The following CNTN4 variants were observed in gnomAD, a reference collection of about 807,000 sequenced individuals.
CNTN4 encodes contactin 4.
A neutral mutation model predicts 122.5 loss-of-function variants in CNTN4; 77 were observed. The ratio of observed to expected loss-of-function variants is 0.63; its 90% CI spans 0.52 to 0.76. The LOEUF is 0.76. Ranked by LOEUF, CNTN4 falls within the 30% of genes least tolerant of loss-of-function variation. The probability of loss-of-function intolerance (pLI) is 0.00; values close to 1 mark genes in which losing one functional copy is unlikely to be tolerated. For missense variants in CNTN4, 1,256 were observed against 1,259.1 expected (o/e 1.00, Z 0.04); for synonymous variants, 512 against 447.0 (o/e 1.15, Z -1.83).
intron 3 of CNTN4, among the ~76,000 whole-genome samples, chr3:2,399,385 A>G (rs1165454024): frequency 6.6e-6 from 1 of 152,006 alleles, no homozygotes; most frequent in African/African-American, 2.4e-5. Flanking sequence ...TATGATGTGG[A>G]TGAAGGTGTT....
intron 2 of CNTN4, among the ~76,000 whole-genome samples, chr3:2,230,559 T>C (rs2039445935): frequency 1.3e-5 from 2 of 152,154 alleles, no homozygotes; most frequent in Admixed American, 6.5e-5. Context: ...ACCAATAATA[T>C]GGGTTCTTTC....
Position 2,391,980 on chromosome 3 carries a change from C to A in CNTN4, c.-89+52747C>A, listed in dbSNP as rs117998748. On this transcript the variant is annotated intron_variant, in intron 3 of 24. Transcript: ENST00000418658. ...ACTGAGGGTGAGTTTTTATTCAACT[C>A]ATTTCATTCAATATGTTAGAATTAT... Among the ~76,000 whole-genome samples, 725 of 152,256 alleles carry A rather than the reference C, an allele frequency of 4.8e-3. 10 individuals carry two copies. Among genetic ancestry groups the A allele is most frequent in the East Asian group, 0.042 (216 of 5,170 alleles).
At chr3:2,397,867 C>T (rs545302129) in intron 3 of CNTN4, among the ~76,000 whole-genome samples, 1 of 152,180 alleles carries the variant, frequency 6.6e-6, no homozygotes, top group East Asian at 1.9e-4. Flanking sequence ...CTACAGCAAC[C>T]CCAGTGCTCT....
rs370591312 is a variant in CNTN4 at position 2,994,938 on chromosome 3, A to G, written c.1486+6466A>G. Among the ~76,000 whole-genome samples the G allele has an allele frequency of 4.6e-5, 7 of 152,324 alleles. No homozygotes were observed. In the South Asian group the frequency reaches 1.2e-3, roughly 27 times the overall value. ...TTTAACATTGGTCCCTTATAACTGA[A>G]TACATTTCAACCCAATTAGATATCT... On this transcript the variant is annotated intron_variant, in intron 14 of 24. Coordinates refer to ENST00000418658, the MANE Select transcript of CNTN4 (RefSeq NM_175607.3).
chr3:2,174,965 C>T (rs1034568994), intron 2 of CNTN4, among the ~76,000 whole-genome samples: 8 of 152,126 alleles, frequency 5.3e-5, no homozygotes, highest in Non-Finnish European at 8.8e-5. Context: ...CAGTCACTTC[C>T]CACCAGGCCC....
rs1463641086 is a variant in CNTN4 at position 3,034,612 on chromosome 3, G to T, written c.1784-20G>T. 1 of 1,613,730 alleles carries T rather than the reference G, an allele frequency of 6.2e-7. No individual in the cohort carries two copies. The highest frequency in any genetic ancestry group is 2.2e-5 in the East Asian group (1 of 44,852). ...GTTTGAATACACTGCTCCAATTCTG[G>T]GGGTCTTGCTCTTTCCCAGGTCCTC... On this transcript the variant is annotated intron_variant, in intron 16 of 24. Coordinates refer to ENST00000418658, the MANE Select transcript of CNTN4 (RefSeq NM_175607.3).
chr3:2,924,702 T>A (rs931972274), intron 12 of CNTN4, among the ~76,000 whole-genome samples: 17 of 152,326 alleles, frequency 1.1e-4, no homozygotes, highest in African/African-American at 3.8e-4. Flanking sequence ...GAGCATATAA[T>A]AGAGCTATCT....
chr3:2,730,256 T>C (rs2088584164), intron 4 of CNTN4, among the ~76,000 whole-genome samples: 1 of 152,188 alleles, frequency 6.6e-6, no homozygotes, highest in Non-Finnish European at 1.5e-5. Context: ...CTGAAGGTGA[T>C]TTATACAATG....
intron 6 of CNTN4, among the ~76,000 whole-genome samples, chr3:2,755,791 G>A (rs566410033): frequency 7.9e-5 from 12 of 152,126 alleles, no homozygotes; most frequent in East Asian, 3.9e-4. Flanking sequence ...GAAAATTGGC[G>A]AATGAAACCT....
intron 2 of CNTN4, among the ~76,000 whole-genome samples, chr3:2,225,737 C>T (rs1370951231): frequency 6.6e-6 from 1 of 152,144 alleles, no homozygotes; most frequent in Non-Finnish European, 1.5e-5. Flanking sequence ...ACACCATTCC[C>T]CATTTGGGGT....
At chr3:2,970,285 CAGGGCCT>C (rs1692772798) in intron 13 of CNTN4, among the ~76,000 whole-genome samples, 1 of 151,928 alleles carries the variant, frequency 6.6e-6, no homozygotes, top group Non-Finnish European at 1.5e-5. Flanking sequence ...TTTGTAGAAA[CAGGGCCT>C]AGCTATGTTG....
At chr3:2,163,759 A>G (rs761888684) in intron 2 of CNTN4, among the ~76,000 whole-genome samples, 8 of 152,214 alleles carry the variant, frequency 5.3e-5, no homozygotes, top group Non-Finnish European at 1.0e-4. Flanking sequence ...TCACATCACT[A>G]GTTATCAGGG....
chr3:2,219,081 A>C (rs762978878), intron 2 of CNTN4, among the ~76,000 whole-genome samples: 6 of 152,192 alleles, frequency 3.9e-5, no homozygotes, highest in Non-Finnish European at 8.8e-5. Context: ...TATTTCCATG[A>C]AGGCAGATTT....
rs1017891844 is a variant in CNTN4, at chr3:3,026,275, G to A, written c.1660G>A (p.Gly554Arg). 1 of 1,612,986 alleles carries A rather than the reference G, an allele frequency of 6.2e-7. No homozygotes were observed. Among genetic ancestry groups the A allele is most frequent in the Non-Finnish European group, 8.5e-7 (1 of 1,179,178 alleles). The change falls in exon 15 of 25, where the codon GGG becomes AGG. Residue 554 changes from glycine to arginine, a missense_variant and splice_region_variant. Coordinates refer to ENST00000418658, the MANE Select transcript of CNTN4 (RefSeq NM_175607.3). ...RDGDHFERVGGQDSAGDLMIR... is the reference protein window; with the variant it reads ...RDGDHFERVGRQDSAGDLMIR... Reference sequence around the variant, plus strand: ...TGGGGACCACTTTGAAAGAGTTGGAGGGGTAAGTATTAATAGCAAAAACTG... The same window carrying A: ...TGGGGACCACTTTGAAAGAGTTGGAAGGGTAAGTATTAATAGCAAAAACTG...
chr3:2,309,533 C>G (rs1193560024), intron 2 of CNTN4, among the ~76,000 whole-genome samples: 2 of 152,080 alleles, frequency 1.3e-5, no homozygotes. Flanking sequence ...GTTTGCGACT[C>G]TTGTTTCTTC....
intron 2 of CNTN4, among the ~76,000 whole-genome samples, chr3:2,143,881 G>T (rs1046616328): frequency 6.6e-6 from 1 of 152,136 alleles, no homozygotes; most frequent in African/African-American, 2.4e-5. Flanking sequence ...AATTTTAATG[G>T]CTAACACAAG....
At chr3:2,658,926 T>C (rs899562784) in intron 4 of CNTN4, among the ~76,000 whole-genome samples, 5 of 151,308 alleles carry the variant, frequency 3.3e-5, no homozygotes, top group African/African-American at 1.2e-4. Context: ...TGCATTTTTT[T>C]ATGTGGACAT....
chr3:2,553,156 G>T (rs1396563091), intron 3 of CNTN4, among the ~76,000 whole-genome samples: 1 of 152,056 alleles, frequency 6.6e-6, no homozygotes, highest in African/African-American at 2.4e-5. Context: ...TAGGAACCAT[G>T]TTTTGAAAAA....
chr3:2,174,160 T>C (rs1256049115), intron 2 of CNTN4, among the ~76,000 whole-genome samples: 1 of 152,188 alleles, frequency 6.6e-6, no homozygotes, highest in Non-Finnish European at 1.5e-5. Context: ...GTGCAGCAAC[T>C]TGGTTTCTGC....
Sources: allele counts gnomAD v4.1 joint callset (sites outside exome capture counted in the v4.1 genomes callset), GRCh38; gene constraint gnomAD v4.1.1; transcripts MANE v1.5; gene names NCBI Gene and HGNC (gene_info 2026-07-23, HGNC 2026-07-21).